The following EBF1 variants were observed in gnomAD, a reference collection of about 807,000 sequenced individuals.
EBF1 encodes the protein EBF transcription factor 1, also known as transcription factor COE1.
A neutral mutation model predicts 68.4 loss-of-function variants in EBF1; 10 were observed. That is an observed-to-expected ratio of 0.15 (90% CI 0.09 to 0.25). EBF1 has a LOEUF of 0.25. Ranked by LOEUF, EBF1 falls within the 10% of genes least tolerant of loss-of-function variation. The pLI is 1.00. For missense variants in EBF1, 509 were observed against 794.4 expected, an observed-to-expected ratio of 0.64 and a Z score of 4.32; for synonymous variants, 298 against 299.8, an observed-to-expected ratio of 0.99 and a Z score of 0.06.
Position 158,887,285 on chromosome 5 carries a change from A to T in EBF1, c.555-47175T>A, listed in dbSNP as rs978254331. ...ACAGAGACATCTGCTGAATTATAAC[A>T]GCCAAGCCGAAGATACATCTTTTCC... On this transcript the variant is annotated intron_variant, in intron 6 of 15. Transcript: ENST00000313708. 2.6e-5 allele frequency among the ~76,000 whole-genome samples: 4 copies of T among 152,318 alleles called. No homozygotes were observed. The East Asian group carries it at 5.8e-4, about 22-fold the overall frequency.
At chr5:158,706,948 T>TTGAC (rs915546446) in intron 15 of EBF1, among the ~76,000 whole-genome samples, 2 of 152,216 alleles carry the variant, frequency 1.3e-5, no homozygotes, top group Admixed American at 1.3e-4. Context: ...TAAATGGTGG[T>TTGAC]TGACTAGTTT....
chr5:158,817,067 A>G lies in EBF1; in HGVS notation c.778+6109T>C, dbSNP rs138533964. On this transcript the variant is annotated intron_variant, in intron 8 of 15. Coordinates refer to ENST00000313708, the MANE Select transcript of EBF1 (RefSeq NM_024007.5). Reference sequence around the variant, plus strand: ...TCCCCACTTCGCAATTGCCACCAAGACCATGGCCTGACCAGCCCACTTTGG... The same window carrying G: ...TCCCCACTTCGCAATTGCCACCAAGGCCATGGCCTGACCAGCCCACTTTGG... Among the ~76,000 whole-genome samples, 73 of 152,092 alleles carry G rather than the reference A, an allele frequency of 4.8e-4. No individual in the cohort carries two copies. The East Asian group carries it at 0.014, about 28-fold the overall frequency.
chr5:158,984,554 A>G (rs1015733875), intron 6 of EBF1, among the ~76,000 whole-genome samples: 4 of 152,184 alleles, frequency 2.6e-5, no homozygotes, highest in African/African-American at 9.7e-5. Context: ...TGTTCTGATT[A>G]CATCAATGAG....
rs151089021 is a variant in EBF1, at chr5:158,742,844, A to T, written c.1037-11687T>A. 4.3e-3 allele frequency among the ~76,000 whole-genome samples: 649 copies of T among 152,360 alleles called. 4 individuals carry two copies. The highest frequency in any genetic ancestry group is 0.015 in the African/African-American group (611 of 41,582). On this transcript the variant is annotated intron_variant, in intron 10 of 15. Transcript: ENST00000313708. ...TTAAAACAATGTAAGTTCTGTGAACAAAGGAGAAAAAAATAGGAGACACCT... is the reference window on the plus strand; with the variant it reads ...TTAAAACAATGTAAGTTCTGTGAACTAAGGAGAAAAAAATAGGAGACACCT...
At chr5:158,900,663 T>G (rs1302288214) in intron 6 of EBF1, among the ~76,000 whole-genome samples, 1 of 152,204 alleles carries the variant, frequency 6.6e-6, no homozygotes, top group Non-Finnish European at 1.5e-5. Flanking sequence ...ATTCCCAAAT[T>G]TTGATGCTAA....
chr5:158,728,175 T>C (rs1171434894), intron 11 of EBF1, among the ~76,000 whole-genome samples: 1 of 152,178 alleles, frequency 6.6e-6, no homozygotes, highest in Non-Finnish European at 1.5e-5. Context: ...CCTTGAACTC[T>C]CGCTCCACTT....
intron 12 of EBF1, 88 bp from the exon 13 acceptor site, chr5:158,713,235 G>T: frequency 1.7e-6 from 2 of 1,149,198 alleles, no homozygotes; most frequent in Non-Finnish European, 2.2e-6. Context: ...CCGTGCTCAG[G>T]GTTTTCAATG....
intron 6 of EBF1, among the ~76,000 whole-genome samples, chr5:158,863,221 G>C (rs1795270186): frequency 6.6e-6 from 1 of 151,980 alleles, no homozygotes; most frequent in African/African-American, 2.4e-5. Flanking sequence ...CCTCACCCCT[G>C]CCCATTCCTG....
intron 2 of EBF1, 33 bp from the exon 3 acceptor site, chr5:159,096,439 ATG>A: frequency 6.2e-7 from 1 of 1,609,418 alleles, no homozygotes; most frequent in Non-Finnish European, 8.5e-7. Flanking sequence ...GACACAAGAG[ATG>A]CAGGAGAGAG....
chr5:159,080,732 A>G (rs139564516), intron 5 of EBF1, among the ~76,000 whole-genome samples: 1 of 152,316 alleles, frequency 6.6e-6, no homozygotes, highest in East Asian at 1.9e-4. Flanking sequence ...ATTGCATTTA[A>G]TCTTAATCAC....
rs556221175 is a variant in EBF1 at position 158,748,272 on chromosome 5, G to A, written c.1037-17115C>T. On this transcript the variant is annotated intron_variant, in intron 10 of 15. Coordinates refer to ENST00000313708, the MANE Select transcript of EBF1 (RefSeq NM_024007.5). The stretch of plus-strand genomic sequence containing the variant: ...ACAAAAAACATGGGAAATGACACAC[G>A]CTTCTCCATGACCATCGTCCAGCTT... 3.9e-5 allele frequency among the ~76,000 whole-genome samples: 6 copies of A among 152,214 alleles called. 1 individual carries two copies. Among genetic ancestry groups the A allele is most frequent in the Middle Eastern group, 6.8e-3 (2 of 294 alleles).
intron 10 of EBF1, among the ~76,000 whole-genome samples, chr5:158,732,140 T>C (rs538387697): frequency 2.3e-4 from 35 of 152,276 alleles, no homozygotes; most frequent in Admixed American, 1.1e-3. Context: ...ATTTCTTGTC[T>C]TTTTTAGTGT....
chr5:158,804,695 C>T (rs1405523407), intron 8 of EBF1, among the ~76,000 whole-genome samples: 1 of 152,168 alleles, frequency 6.6e-6, no homozygotes, highest in African/African-American at 2.4e-5. Context: ...TTGTTAACTA[C>T]ACTGCAGCTC....
intron 10 of EBF1, among the ~76,000 whole-genome samples, chr5:158,738,869 T>C (rs1466961424): frequency 6.6e-6 from 1 of 152,218 alleles, no homozygotes; most frequent in Non-Finnish European, 1.5e-5. Flanking sequence ...TTACTAAATA[T>C]CCGTGAAACA....
chr5:159,055,893 G>A (rs1365611834), intron 6 of EBF1, among the ~76,000 whole-genome samples: 1 of 152,214 alleles, frequency 6.6e-6, no homozygotes, highest in Non-Finnish European at 1.5e-5. Context: ...ATTTTATATA[G>A]TAGATGCTTC....
At chr5:159,044,340 G>C (rs1037886317) in intron 6 of EBF1, among the ~76,000 whole-genome samples, 1 of 152,144 alleles carries the variant, frequency 6.6e-6, no homozygotes, top group African/African-American at 2.4e-5. Context: ...CCAAGTTAAT[G>C]CAGGTGTTGT....
At chr5:158,886,871 G>A (rs953164275) in intron 6 of EBF1, among the ~76,000 whole-genome samples, 2 of 152,064 alleles carry the variant, frequency 1.3e-5, no homozygotes, top group Non-Finnish European at 2.9e-5. Flanking sequence ...GTGTGGCGGC[G>A]GGCACGTGTA....
At chr5:158,820,272 G>T (rs528871339) in intron 8 of EBF1, among the ~76,000 whole-genome samples, 1 of 152,064 alleles carries the variant, frequency 6.6e-6, no homozygotes, top group South Asian at 2.1e-4. Context: ...GGCGGTGGGG[G>T]GTGGGAGCGG....
At position 158,987,930 on chromosome 5, in the gene EBF1, T is replaced by C. The variant is rs75318301; in HGVS notation, c.554+85466A>G. ...CCTTCTATGCGTATCCTCCATTTAC[T>C]AGCATTGGGAATGGCATCCCCCCGG... On this transcript the variant is annotated intron_variant, in intron 6 of 15. Transcript: ENST00000313708. Among the ~76,000 whole-genome samples the C allele has an allele frequency of 3.5e-4, 54 of 152,286 alleles. No homozygotes were observed. In the East Asian group the frequency reaches 9.7e-3, roughly 27 times the overall value.
Sources: gnomAD v4.1 joint callset for allele counts (sites outside exome capture counted in the v4.1 genomes callset) on GRCh38, gnomAD v4.1.1 for gene constraint, MANE v1.5 for transcripts, NCBI Gene and HGNC (gene_info 2026-07-23, HGNC 2026-07-21) for gene names.